The following DPYD variants were observed in gnomAD, a reference collection of about 807,000 sequenced individuals.
The protein encoded by DPYD is dihydropyrimidine dehydrogenase [NADP(+)].
In DPYD, 109 loss-of-function variants were observed where a neutral mutation model predicts 116.2. The observed-to-expected ratio is 0.94, with a 90% confidence interval of 0.80 to 1.10. The LOEUF (loss-of-function observed/expected upper bound fraction) is 1.10, where lower values mean the gene tolerates loss of function less well. DPYD is among the 50% of genes least tolerant of loss of function. DPYD has a pLI of 0.00. For missense variants in DPYD, 1,302 were observed against 1,254.5 expected, an observed-to-expected ratio of 1.04 and a Z score of -0.57; for synonymous variants, 440 against 432.0, an observed-to-expected ratio of 1.02 and a Z score of -0.23.
intron 18 of DPYD, among the ~76,000 whole-genome samples, chr1:97,301,933 C>A (rs1242765506): frequency 6.6e-6 from 1 of 151,796 alleles, no homozygotes; most frequent in Non-Finnish European, 1.5e-5. Flanking sequence ...AAATTTCAAA[C>A]TAAAACAAGA....
intron 16 of DPYD, among the ~76,000 whole-genome samples, chr1:97,315,626 C>T (rs1667786232): frequency 6.6e-6 from 1 of 151,922 alleles, no homozygotes; most frequent in African/African-American, 2.4e-5. Context: ...CTAGGAAAGT[C>T]AAAGAAGAAA....
intron 16 of DPYD, among the ~76,000 whole-genome samples, chr1:97,352,822 T>C (rs567837338): frequency 1.6e-3 from 248 of 152,208 alleles, no homozygotes; most frequent in Non-Finnish European, 2.1e-3. Context: ...GACAACTACA[T>C]AACACCATGT....
chr1:97,807,167 G>A (rs529570756), intron 3 of DPYD, among the ~76,000 whole-genome samples: 1 of 152,066 alleles, frequency 6.6e-6, no homozygotes, highest in East Asian at 1.9e-4. Context: ...AATTACTTTG[G>A]GTAAATGCCA....
intron 19 of DPYD, among the ~76,000 whole-genome samples, chr1:97,231,077 C>G (rs1240053300): frequency 6.6e-6 from 1 of 152,020 alleles, no homozygotes; most frequent in African/African-American, 2.4e-5. Context: ...GGATCTGCAC[C>G]CTGAGCACAC....
At chr1:97,419,586 A>AC (rs150532852) in intron 14 of DPYD, among the ~76,000 whole-genome samples, 15,556 of 152,254 alleles carry the variant, frequency 0.1, 860 homozygotes, top group South Asian at 0.14. Context: ...GACAAAATCT[A>AC]CCTATAACCC....
intron 5 of DPYD, among the ~76,000 whole-genome samples, chr1:97,705,729 A>G (rs1430751133): frequency 6.6e-6 from 1 of 152,088 alleles, no homozygotes; most frequent in African/African-American, 2.4e-5. Flanking sequence ...ACAATGGTTG[A>G]ACTAGTTTAC....
Position 97,546,450 on chromosome 1 carries a change from T to G in DPYD, c.1524+3110A>C. 3 of 1,601,342 alleles carry G rather than the reference T, an allele frequency of 1.9e-6. No homozygotes were observed. In the East Asian group the frequency reaches 6.7e-5, roughly 36 times the overall value. ...ATAGAGATTCCTGAAGTGAGAAAGA[T>G]GATGGTAGTGACAGAGACTCTGATA... On this transcript the variant is annotated intron_variant, in intron 12 of 22. Coordinates refer to ENST00000370192, the MANE Select transcript of DPYD (RefSeq NM_000110.4).
chr1:97,305,176 G>T, intron 18 of DPYD, 83 bp downstream of exon 18: 1 of 1,600,288 alleles, frequency 6.2e-7, no homozygotes, highest in East Asian at 2.2e-5. Flanking sequence ...GGATCATAAA[G>T]GGCACAAAAC....
At chr1:97,313,500 T>TGTGC (rs929950064) in intron 16 of DPYD, among the ~76,000 whole-genome samples, 4 of 149,102 alleles carry the variant, frequency 2.7e-5, no homozygotes, top group Non-Finnish European at 4.5e-5. Context: ...TGTGTGCCTG[T>TGTGC]GTGTGTGTGT....
intron 16 of DPYD, among the ~76,000 whole-genome samples, chr1:97,323,702 G>A (rs34993104): frequency 0.01 from 1,375 of 137,276 alleles, 48 homozygotes; most frequent in Middle Eastern, 0.043. Flanking sequence ...ATATATACAC[G>A]TATATATATA....
chr1:97,695,407 C>T (rs1189819860), intron 6 of DPYD, among the ~76,000 whole-genome samples: 1 of 148,164 alleles, frequency 6.7e-6, no homozygotes, highest in Non-Finnish European at 1.5e-5. Context: ...ACTAATCCAT[C>T]ATTTTTTAAA....
intron 20 of DPYD, among the ~76,000 whole-genome samples, chr1:97,188,074 G>T (rs991906429): frequency 6.6e-6 from 1 of 152,066 alleles, no homozygotes; most frequent in Non-Finnish European, 1.5e-5. Context: ...GGTTGCATAT[G>T]AATTTTAGAA....
intron 3 of DPYD, among the ~76,000 whole-genome samples, chr1:97,779,195 T>C (rs1375997764): frequency 6.6e-6 from 1 of 152,130 alleles, no homozygotes; most frequent in Non-Finnish European, 1.5e-5. Context: ...GGCATATAAC[T>C]GATTACATGC....
At chr1:97,902,540 A>C in intron 1 of DPYD, among the ~76,000 whole-genome samples, 1 of 151,846 alleles carries the variant, frequency 6.6e-6, no homozygotes, top group Non-Finnish European at 1.5e-5. Context: ...TAATTCTTTA[A>C]TCATTAAGTT....
intron 20 of DPYD, 73 bp from the exon 21 acceptor site, chr1:97,098,705 A>C (rs1650445509): frequency 6.6e-7 from 1 of 1,516,426 alleles, no homozygotes; most frequent in African/African-American, 1.4e-5. Flanking sequence ...ATAAACATAT[A>C]AATATTATCA....
At chr1:97,724,993 T>A (rs1331694091) in intron 4 of DPYD, among the ~76,000 whole-genome samples, 1 of 104,786 alleles carries the variant, frequency 9.5e-6, no homozygotes, top group African/African-American at 3.6e-5. Context: ...GAGAAAGTTA[T>A]CCAGATTGGA....
At chr1:97,819,014 C>A (rs778956474) in intron 3 of DPYD, among the ~76,000 whole-genome samples, 2 of 151,768 alleles carry the variant, frequency 1.3e-5, no homozygotes, top group South Asian at 2.1e-4. Context: ...TTTATTAGGG[C>A]AGGTGCATGA....
intron 3 of DPYD, among the ~76,000 whole-genome samples, chr1:97,766,954 A>G (rs1665890049): frequency 6.6e-6 from 1 of 152,194 alleles, no homozygotes; most frequent in Non-Finnish European, 1.5e-5. Flanking sequence ...GGGTAGAGCA[A>G]AAGGGTACCA....
At chr1:97,081,053 G>A (rs907635559) in intron 22 of DPYD, among the ~76,000 whole-genome samples, 1 of 151,820 alleles carries the variant, frequency 6.6e-6, no homozygotes, top group Non-Finnish European at 1.5e-5. Context: ...TAAAAATAAC[G>A]GTTAAGACAG....
Sources: gnomAD v4.1 joint callset for allele counts (sites outside exome capture counted in the v4.1 genomes callset) on GRCh38, gnomAD v4.1.1 for gene constraint, MANE v1.5 for transcripts, NCBI Gene and HGNC (gene_info 2026-07-23, HGNC 2026-07-21) for gene names.